The following CELSR1 variants were observed in gnomAD, a reference collection of about 807,000 sequenced individuals.
CELSR1 encodes the protein adhesion G protein-coupled receptor C1.
Under a neutral mutation model 249.1 loss-of-function variants are expected in CELSR1, and 110 were observed. The observed-to-expected ratio is 0.44, with a 90% CI of 0.38 to 0.52. The LOEUF (loss-of-function observed/expected upper bound fraction) is 0.52, where lower values mean the gene tolerates loss of function less well. Among genes scored for constraint, CELSR1 ranks in the 20% least tolerant of loss-of-function variants. The pLI is 0.00. For synonymous variants in CELSR1, 2,113 were observed against 1,900.0 expected (o/e 1.11, Z -2.92); for missense variants, 4,109 against 4,296.4 (o/e 0.96, Z 1.22).
rs911440028 is a variant in CELSR1 at position 46,468,950 on chromosome 22, C to T, written c.3545-4605G>A. On this transcript the variant is annotated intron_variant, in intron 1 of 34. Transcript: ENST00000674500. The surrounding 1 kb of genome is among the most constrained non-coding windows in gnomAD (Gnocchi z 4.5). Reference sequence around the variant, plus strand: ...AGCTAGTTGGGCGTGGTGGCACGTGCCTGTAGTCTCAGCTACTCGGAAGGC... The same window carrying T: ...AGCTAGTTGGGCGTGGTGGCACGTGTCTGTAGTCTCAGCTACTCGGAAGGC... 6.6e-6 allele frequency among the ~76,000 whole-genome samples: 1 copy of T among 152,032 alleles called. No homozygotes were observed. The highest frequency in any genetic ancestry group is 2.4e-5 in the African/African-American group (1 of 41,372).
rs116662684 is a variant in CELSR1 at position 46,366,966 on chromosome 22, T to A, written c.8205+27A>T. On this transcript the variant is annotated intron_variant, in intron 29 of 34. Transcript: ENST00000674500. ...CCTCGAGATGCCGCCCAGCCCCCAG[T>A]CCCGCGGTGTCCCCGGCGCCTCCTA... 3.9e-3 allele frequency: 6,210 copies of A among 1,599,642 alleles called. 194 individuals carry two copies. The African/African-American group carries it at 0.066, about 17-fold the overall frequency.
rs2078965018 is a variant in CELSR1 at position 46,380,437 on chromosome 22, A to G, written c.7256+351T>C. Reference sequence around the variant, plus strand: ...TGTGTGACCGGAATGGGCCTGTCTTATCCGGCGGTGAACTGGGCACTACAC... The same window carrying G: ...TGTGTGACCGGAATGGGCCTGTCTTGTCCGGCGGTGAACTGGGCACTACAC... On this transcript the variant is annotated intron_variant, in intron 22 of 34. Transcript: ENST00000674500. This position sits in a 1 kb window ranked among gnomAD's most constrained non-coding sequence, Gnocchi z 5.1. 6.6e-6 allele frequency among the ~76,000 whole-genome samples: 1 copy of G among 152,192 alleles called. No individual in the cohort carries two copies. Among genetic ancestry groups the G allele is most frequent in the Non-Finnish European group, 1.5e-5 (1 of 68,038 alleles).
At chr22:46,528,741 A>AAC (rs1388768691) in intron 1 of CELSR1, among the ~76,000 whole-genome samples, 2 of 151,526 alleles carry the variant, frequency 1.3e-5, no homozygotes, top group Admixed American at 6.6e-5. Context: ...ATCCTGGTTA[A>AAC]CACGGTGAAA....
rs2079187628 is a variant in CELSR1, at chr22:46,399,522, C to G, written c.5412+195G>C. Among the ~76,000 whole-genome samples, 1 of 152,194 alleles carries G rather than the reference C, an allele frequency of 6.6e-6. No homozygotes were observed. The highest frequency in any genetic ancestry group is 2.1e-4 in the South Asian group (1 of 4,834). On this transcript the variant is annotated intron_variant, in intron 10 of 34. Coordinates refer to ENST00000674500, the MANE Select transcript of CELSR1 (RefSeq NM_001378328.1). The surrounding 1 kb of genome is among the most constrained non-coding windows in gnomAD (Gnocchi z 5.0). The stretch of plus-strand genomic sequence containing the variant: ...CTGCTGACTGCCGGGGGCGGGGCAT[C>G]CGGATGAAGGAGGTGAGGAAGATGC...
At position 46,440,133 on chromosome 22, in the gene CELSR1, G is replaced by A. The variant is rs1308700219; in HGVS notation, c.4184-722C>T. On this transcript the variant is annotated intron_variant, in intron 2 of 34. Coordinates refer to ENST00000674500, the MANE Select transcript of CELSR1 (RefSeq NM_001378328.1). This position sits in a 1 kb window ranked among gnomAD's most constrained non-coding sequence, Gnocchi z 4.7. ...CAGAAAACCAGCCAGGCAGCCCACA[G>A]CACACTGCCTCTCTCCATCCGCCCT... Among the ~76,000 whole-genome samples, 1 of 152,084 alleles carries A rather than the reference G, an allele frequency of 6.6e-6. No homozygotes were observed. Among genetic ancestry groups the A allele is most frequent in the African/African-American group, 2.4e-5 (1 of 41,378 alleles).
At chr22:46,465,793 C>A (rs2080090274) in intron 1 of CELSR1, among the ~76,000 whole-genome samples, 2 of 152,214 alleles carry the variant, frequency 1.3e-5, no homozygotes, top group Admixed American at 1.3e-4. Flanking sequence ...TCTAACAGAA[C>A]CAGCACCACC....
chr22:46,389,642 A>G (rs2079068084), intron 17 of CELSR1, 143 bp from the exon 18 acceptor site: 4 of 918,836 alleles, frequency 4.4e-6, no homozygotes, highest in Non-Finnish European at 6.7e-6. Context: ...CTGGCTGGGC[A>G]TGGTGGCTCA....
chr22:46,393,550 C>T lies in CELSR1; in HGVS notation c.5964+592G>A, dbSNP rs1234541891. 1.3e-5 allele frequency among the ~76,000 whole-genome samples: 2 copies of T among 152,110 alleles called. No homozygotes were observed. Among genetic ancestry groups the T allele is most frequent in the Non-Finnish European group, 2.9e-5 (2 of 68,018 alleles). On this transcript the variant is annotated intron_variant, in intron 14 of 34. Transcript: ENST00000674500. This position sits in a 1 kb window ranked among gnomAD's most constrained non-coding sequence, Gnocchi z 4.1. Reference sequence around the variant, plus strand: ...GTCAGGAGTTCAAGACCAGCCTGGCCAACATGGTGAAATCCTGTCTCTACT... The same window carrying T: ...GTCAGGAGTTCAAGACCAGCCTGGCTAACATGGTGAAATCCTGTCTCTACT...
chr22:46,503,934 T>A (rs2080489703), intron 1 of CELSR1, among the ~76,000 whole-genome samples: 1 of 152,116 alleles, frequency 6.6e-6, no homozygotes, highest in Admixed American at 6.6e-5. Context: ...CTCAGGAGGC[T>A]GAGGCAGGAG....
intron 22 of CELSR1, among the ~76,000 whole-genome samples, chr22:46,379,497 G>A (rs1432571918): frequency 6.6e-6 from 1 of 152,230 alleles, no homozygotes; most frequent in African/African-American, 2.4e-5. Flanking sequence ...TAATTGCCAG[G>A]ACGCAGATGA....
chr22:46,394,290 A>T (rs1019612585), intron 13 of CELSR1, 28 bp from the exon 14 acceptor site: 6 of 1,605,434 alleles, frequency 3.7e-6, no homozygotes, highest in Non-Finnish European at 5.1e-6. Context: ...GGGCAGCTGG[A>T]AGGTTTATGT....
At position 46,527,747 on chromosome 22, in the gene CELSR1, C is replaced by T. The variant is rs776912862; in HGVS notation, c.3544+5880G>A. On this transcript the variant is annotated intron_variant, in intron 1 of 34. Coordinates refer to ENST00000674500, the MANE Select transcript of CELSR1 (RefSeq NM_001378328.1). This position sits in a 1 kb window ranked among gnomAD's most constrained non-coding sequence, Gnocchi z 5.5. ...CTCATTGCCAAAAGCACTGAACTCT[C>T]CTGGGAAGGTTTGACACTGGCAGAA... 6.6e-6 allele frequency among the ~76,000 whole-genome samples: 1 copy of T among 152,210 alleles called. No individual in the cohort carries two copies. The highest frequency in any genetic ancestry group is 1.5e-5 in the Non-Finnish European group (1 of 68,046).
rs752162145 is a variant in CELSR1 at position 46,464,864 on chromosome 22, G to A, written c.3545-519C>T. 2.0e-5 allele frequency among the ~76,000 whole-genome samples: 3 copies of A among 152,114 alleles called. No individual in the cohort carries two copies. Among genetic ancestry groups the A allele is most frequent in the South Asian group, 4.1e-4 (2 of 4,828 alleles). The stretch of plus-strand genomic sequence containing the variant: ...AAACTCTGCAGTGCCTGGCAAGCCC[G>A]CCCTGGTCCTGCCCAGGCGACATCC... On this transcript the variant is annotated intron_variant, in intron 1 of 34. Transcript: ENST00000674500. This position sits in a 1 kb window ranked among gnomAD's most constrained non-coding sequence, Gnocchi z 8.5.
chr22:46,369,291 C>T, intron 26 of CELSR1, 33 bp from the exon 27 acceptor site: 1 of 1,592,288 alleles, frequency 6.3e-7, no homozygotes, highest in Non-Finnish European at 8.6e-7. Context: ...AATGTCTTCT[C>T]TCTCGTCACT....
chr22:46,366,232 A>AGGAAAGGTGCGGG (rs2078778378), intron 30 of CELSR1, among the ~76,000 whole-genome samples, 154 bp downstream of exon 30: 2 of 380 alleles, frequency 5.3e-3, no homozygotes, highest in Non-Finnish European at 9.8e-3. Context: ...GGTGCGGGGC[A>AGGAAAGGTGCGGG]GGGAGGGAAG....
intron 1 of CELSR1, among the ~76,000 whole-genome samples, chr22:46,476,234 C>T (rs1345980672): frequency 1.3e-5 from 2 of 152,162 alleles, no homozygotes; most frequent in South Asian, 2.1e-4. Context: ...GAAACCCAAA[C>T]GTCCACCAAT....
Position 46,363,142 on chromosome 22 carries a change from G to T in CELSR1, c.*81C>A, listed in dbSNP as rs779813757. ...GCCCCTTGGGCTCCAAGGTCTGAGG[G>T]TGATGCCGCAGCCTGTGTGGGGTGA... On this transcript the variant is annotated 3_prime_UTR_variant, in exon 35 of 35. Transcript: ENST00000674500. The surrounding 1 kb of genome is among the most constrained non-coding windows in gnomAD (Gnocchi z 4.3). 1.4e-5 allele frequency: 22 copies of T among 1,613,596 alleles called. No individual in the cohort carries two copies. In the South Asian group the frequency reaches 2.3e-4, roughly 17 times the overall value.
chr22:46,516,314 G>T (rs2080627509), intron 1 of CELSR1, among the ~76,000 whole-genome samples: 1 of 152,104 alleles, frequency 6.6e-6, no homozygotes, highest in African/African-American at 2.4e-5. Flanking sequence ...GTAAGGACAT[G>T]GATGAAGCTG....
At chr22:46,439,534 C>A in intron 2 of CELSR1, 123 bp from the exon 3 acceptor site, 1 of 754,188 alleles carries the variant, frequency 1.3e-6, no homozygotes, top group Non-Finnish European at 2.2e-6. Flanking sequence ...GAAAACCCGA[C>A]TGACTCCAGG....
Sources: gnomAD v4.1 joint callset for allele counts (sites outside exome capture counted in the v4.1 genomes callset) on GRCh38, gnomAD v4.1.1 for gene constraint, Gnocchi (gnomAD v3.1) non-coding constraint, MANE v1.5 for transcripts, NCBI Gene and HGNC (gene_info 2026-07-23, HGNC 2026-07-21) for gene names.